RYR2: variants seen among roughly 807,000 people sequenced by gnomAD.
RYR2 encodes the protein ryanodine receptor 2.
A neutral mutation model predicts 601.1 loss-of-function variants in RYR2; 227 were observed. The observed-to-expected ratio is 0.38, with a 90% CI of 0.34 to 0.42. The LOEUF (loss-of-function observed/expected upper bound fraction) is 0.42. Among genes scored for constraint, RYR2 ranks in the 10% least tolerant of loss-of-function variants. The pLI is 1.00. For missense variants in RYR2, 4,646 were observed against 6,156.5 expected (o/e 0.75, Z 8.21); for synonymous variants, 2,223 against 2,175.1 (o/e 1.02, Z -0.61).
At chr1:237,330,185 ACT>A (rs917356048) in intron 2 of RYR2, among the ~76,000 whole-genome samples, 2 of 152,150 alleles carry the variant, frequency 1.3e-5, no homozygotes, top group African/African-American at 4.8e-5. Flanking sequence ...AAATTTTATA[ACT>A]CTGTGACTTT....
At chr1:237,145,507 C>G (rs1375164253) in intron 1 of RYR2, among the ~76,000 whole-genome samples, 1 of 152,144 alleles carries the variant, frequency 6.6e-6, no homozygotes, top group Non-Finnish European at 1.5e-5. Flanking sequence ...CTGATGGGTA[C>G]TCCTAGAGAT....
At chr1:237,471,372 C>G (rs1660706515) in intron 17 of RYR2, among the ~76,000 whole-genome samples, 1 of 152,202 alleles carries the variant, frequency 6.6e-6, no homozygotes, top group African/African-American at 2.4e-5. Flanking sequence ...CCAAGGACTC[C>G]TGTACCCTCA....
At chr1:237,567,556 C>T (rs1251289101) in intron 28 of RYR2, among the ~76,000 whole-genome samples, 1 of 151,854 alleles carries the variant, frequency 6.6e-6, no homozygotes, top group Non-Finnish European at 1.5e-5. Flanking sequence ...CACCACTGCA[C>T]TCCAGCCTGG....
chr1:237,082,148 T>C (rs1665770838), intron 1 of RYR2, among the ~76,000 whole-genome samples: 1 of 152,160 alleles, frequency 6.6e-6, no homozygotes, highest in Admixed American at 6.5e-5. Flanking sequence ...GATCATGTAC[T>C]GTGGGACAGG....
chr1:237,445,469 A>C lies in RYR2; in HGVS notation c.1239A>C (p.Ser413=). ...TGTCGAGATCCCAGCATGAAGAATCACGCACAGCCCGAGTTATCCGGAGCA... is the reference window on the plus strand; with the variant it reads ...TGTCGAGATCCCAGCATGAAGAATCCCGCACAGCCCGAGTTATCCGGAGCA... The part of the protein sequence containing the change: ...ISLSRSQHEE[S]RTARVIRSTV... Residue 413 remains serine (S), a synonymous_variant, in exon 14 of 105, where the codon TCA becomes TCC. Transcript: ENST00000366574. The C allele has an allele frequency of 6.2e-7, 1 of 1,613,778 alleles. No homozygotes were observed.
At chr1:237,215,457 T>G (rs1011038218) in intron 1 of RYR2, among the ~76,000 whole-genome samples, 1 of 152,208 alleles carries the variant, frequency 6.6e-6, no homozygotes, top group Non-Finnish European at 1.5e-5. Context: ...TCATATGAAG[T>G]ATTTTAAAAA....
At chr1:237,105,584 C>T (rs1196979390) in intron 1 of RYR2, among the ~76,000 whole-genome samples, 1 of 152,068 alleles carries the variant, frequency 6.6e-6, no homozygotes, top group Non-Finnish European at 1.5e-5. Flanking sequence ...GTAATCCCAG[C>T]ACTTCGGGAG....
Position 237,784,186 on chromosome 1 carries a change from C to T in RYR2, c.12474C>T (p.Thr4158=). 6.2e-7 allele frequency: 1 copy of T among 1,613,972 alleles called. No individual in the cohort carries two copies. ...VYFEISESSR[T]QWEKPQVKES... ...TTGAAATCAGTGAGTCCAGCCGAAC[C>T]CAGTGGGAGAAGCCCCAGGTCAAGG... Residue 4158 remains threonine, a synonymous_variant, in exon 90 of 105, where the codon ACC becomes ACT. Transcript: ENST00000366574. The surrounding 1 kb of genome is among the most constrained non-coding windows in gnomAD (Gnocchi z 7.1).
intron 29 of RYR2, among the ~76,000 whole-genome samples, chr1:237,588,853 A>G (rs1460071675): frequency 2.0e-5 from 3 of 151,586 alleles, no homozygotes; most frequent in Non-Finnish European, 2.9e-5. Flanking sequence ...AAGAGTACAT[A>G]AACACCCATC....
chr1:237,626,834 A>C (rs1679726839), intron 40 of RYR2, among the ~76,000 whole-genome samples: 1 of 151,498 alleles, frequency 6.6e-6, no homozygotes, highest in East Asian at 1.9e-4. Flanking sequence ...TCAGATTCCC[A>C]AGTGCTGGGA....
chr1:237,523,620 CCA>C (rs1243119348), intron 24 of RYR2, among the ~76,000 whole-genome samples: 1 of 151,920 alleles, frequency 6.6e-6, no homozygotes. Flanking sequence ...GCCTGTAATC[CCA>C]GCTACTAGGG....
intron 24 of RYR2, among the ~76,000 whole-genome samples, chr1:237,522,090 A>T (rs571344785): frequency 6.6e-6 from 1 of 152,216 alleles, no homozygotes. Flanking sequence ...ATTTAACATT[A>T]GCTATATCTC....
chr1:237,355,313 T>C (rs1699204327), intron 3 of RYR2, among the ~76,000 whole-genome samples: 1 of 152,140 alleles, frequency 6.6e-6, no homozygotes, highest in Non-Finnish European at 1.5e-5. Flanking sequence ...AGACAGTCTT[T>C]GTTGACATAT....
chr1:237,305,316 C>T (rs1693763221), intron 2 of RYR2, among the ~76,000 whole-genome samples: 1 of 152,174 alleles, frequency 6.6e-6, no homozygotes, highest in African/African-American at 2.4e-5. Context: ...CACAGGAGTC[C>T]ACATCCACAT....
intron 10 of RYR2, among the ~76,000 whole-genome samples, chr1:237,388,423 A>T (rs1193453033): frequency 6.6e-6 from 1 of 152,228 alleles, no homozygotes; most frequent in African/African-American, 2.4e-5. Context: ...ATTAAGAAAC[A>T]CTGAACAAAA....
intron 44 of RYR2, among the ~76,000 whole-genome samples, chr1:237,637,605 G>A (rs532422989): frequency 3.9e-5 from 6 of 152,192 alleles, no homozygotes; most frequent in East Asian, 3.9e-4. Context: ...TTTTCTCTAC[G>A]TATTTTCTCA....
At chr1:237,236,104 A>G (rs915335924) in intron 1 of RYR2, among the ~76,000 whole-genome samples, 8 of 152,244 alleles carry the variant, frequency 5.3e-5, no homozygotes, top group Non-Finnish European at 8.8e-5. Flanking sequence ...AAAATACCAA[A>G]AAACCTCACT....
rs1209346306 is a variant in RYR2, at chr1:237,722,725, G to T, written c.10555-403G>T. Among the ~76,000 whole-genome samples the T allele has an allele frequency of 2.0e-5, 3 of 152,154 alleles. No individual in the cohort carries two copies. In the East Asian group the frequency reaches 5.8e-4, roughly 29 times the overall value. On this transcript the variant is annotated intron_variant, in intron 73 of 104. Coordinates refer to ENST00000366574, the MANE Select transcript of RYR2 (RefSeq NM_001035.3). Reference sequence around the variant, plus strand: ...TGGGATTACAGGCGTGAGCCACCGTGCCTGGCCAATATTTTTAATTTTTAA... The same window carrying T: ...TGGGATTACAGGCGTGAGCCACCGTTCCTGGCCAATATTTTTAATTTTTAA...
At chr1:237,772,632 A>T (rs1185733941) in intron 86 of RYR2, among the ~76,000 whole-genome samples, 1 of 152,232 alleles carries the variant, frequency 6.6e-6, no homozygotes, top group African/African-American at 2.4e-5. Context: ...TAGGCCTCTT[A>T]AATAATGAGA....
Sources: gnomAD v4.1 joint callset for allele counts (sites outside exome capture counted in the v4.1 genomes callset) on GRCh38, gnomAD v4.1.1 for gene constraint, Gnocchi (gnomAD v3.1) non-coding constraint, MANE v1.5 for transcripts, NCBI Gene and HGNC (gene_info 2026-07-23, HGNC 2026-07-21) for gene names.